CCSER1: variants seen among roughly 807,000 people sequenced by gnomAD.
CCSER1 encodes coiled-coil serine rich protein 1.
CCSER1 carries 41 observed loss-of-function variants against 82.0 expected under a neutral mutation model. That is an observed-to-expected ratio of 0.50 (90% CI 0.39 to 0.65). The LOEUF is 0.65. Among genes scored for constraint, CCSER1 ranks in the 30% least tolerant of loss-of-function variants. The pLI is 0.00. For synonymous variants in CCSER1, 414 were observed against 383.9 expected, an observed-to-expected ratio of 1.08 and a Z score of -0.92; for missense variants, 1,119 against 1,064.2, an observed-to-expected ratio of 1.05 and a Z score of -0.72.
intron 5 of CCSER1, among the ~76,000 whole-genome samples, chr4:90,622,995 T>C (rs1241046490): frequency 6.6e-6 from 1 of 151,188 alleles, no homozygotes; most frequent in Non-Finnish European, 1.5e-5. Flanking sequence ...TGATGTTTTA[T>C]AAGGGAAGAT....
chr4:91,596,095 A>G (rs1357784897), intron 10 of CCSER1, among the ~76,000 whole-genome samples: 2 of 151,990 alleles, frequency 1.3e-5, no homozygotes, highest in East Asian at 3.9e-4. Flanking sequence ...TTGATAGTAG[A>G]TCCACATGTG....
At chr4:90,859,716 AGTTAAG>A (rs762866490) in intron 8 of CCSER1, among the ~76,000 whole-genome samples, 3 of 151,770 alleles carry the variant, frequency 2.0e-5, no homozygotes, top group African/African-American at 4.8e-5. Flanking sequence ...TAATAAATAA[AGTTAAG>A]TGTACCAAAG....
intron 5 of CCSER1, among the ~76,000 whole-genome samples, chr4:90,557,211 T>C (rs1248634071): frequency 6.6e-6 from 1 of 152,018 alleles, no homozygotes. Context: ...CTAAAATTGC[T>C]CAGCGGATAA....
chr4:91,449,457 G>T (rs553151443), intron 10 of CCSER1, among the ~76,000 whole-genome samples: 54 of 151,422 alleles, frequency 3.6e-4, no homozygotes, highest in African/African-American at 1.3e-3. Flanking sequence ...CATTTTTTTT[G>T]GTGCTCAGTA....
chr4:90,221,717 G>C (rs921290715), intron 1 of CCSER1, among the ~76,000 whole-genome samples: 3 of 152,080 alleles, frequency 2.0e-5, no homozygotes, highest in Admixed American at 2.0e-4. Flanking sequence ...AATGATTACT[G>C]TATAATGTCT....
chr4:91,178,834 C>T (rs1733690510), intron 10 of CCSER1, among the ~76,000 whole-genome samples: 1 of 152,034 alleles, frequency 6.6e-6, no homozygotes, highest in Non-Finnish European at 1.5e-5. Flanking sequence ...TGAATTTGAT[C>T]CTGTCATTAT....
chr4:90,599,585 A>C (rs779483811), intron 5 of CCSER1, among the ~76,000 whole-genome samples: 21 of 152,118 alleles, frequency 1.4e-4, no homozygotes, highest in Middle Eastern at 3.2e-3. Flanking sequence ...GCCTTTCTCT[A>C]TCTGGAGAAG....
At chr4:91,348,049 T>C (rs1036217464) in intron 10 of CCSER1, among the ~76,000 whole-genome samples, 7 of 152,150 alleles carry the variant, frequency 4.6e-5, no homozygotes, top group Admixed American at 4.6e-4. Context: ...CCTTGCCTTG[T>C]TCCTGATATT....
At chr4:91,422,354 A>G (rs1753726453) in intron 10 of CCSER1, among the ~76,000 whole-genome samples, 1 of 152,102 alleles carries the variant, frequency 6.6e-6, no homozygotes, top group Non-Finnish European at 1.5e-5. Flanking sequence ...ACCACAGCAC[A>G]GGGATCTTCT....
intron 4 of CCSER1, among the ~76,000 whole-genome samples, chr4:90,467,543 C>T (rs1222867464): frequency 6.6e-6 from 1 of 150,540 alleles, no homozygotes; most frequent in African/African-American, 2.4e-5. Context: ...AATTAGCTGA[C>T]ACGGTGGCGG....
chr4:91,193,452 C>A (rs777141991), intron 10 of CCSER1, among the ~76,000 whole-genome samples: 21 of 152,114 alleles, frequency 1.4e-4, no homozygotes, highest in Non-Finnish European at 2.9e-4. Flanking sequence ...ATTGAAAGAA[C>A]CCTGGATTAG....
At chr4:90,742,176 A>C (rs1217524676) in intron 7 of CCSER1, among the ~76,000 whole-genome samples, 1 of 152,170 alleles carries the variant, frequency 6.6e-6, no homozygotes, top group Non-Finnish European at 1.5e-5. Context: ...CGAGAACAGC[A>C]GATGGAAGTC....
intron 1 of CCSER1, among the ~76,000 whole-genome samples, chr4:90,128,555 T>G (rs766893099): frequency 2.6e-5 from 4 of 151,884 alleles, no homozygotes; most frequent in Non-Finnish European, 5.9e-5. Flanking sequence ...AGTGGGTTGG[T>G]TCACCTGAGC....
intron 3 of CCSER1, among the ~76,000 whole-genome samples, chr4:90,335,510 G>T (rs1227952184): frequency 6.6e-6 from 1 of 152,086 alleles, no homozygotes; most frequent in Non-Finnish European, 1.5e-5. Flanking sequence ...CTAAGAATAT[G>T]AGCTTTCTAT....
chr4:90,637,317 T>G (rs1394340544), intron 6 of CCSER1, among the ~76,000 whole-genome samples: 1 of 151,766 alleles, frequency 6.6e-6, no homozygotes, highest in Non-Finnish European at 1.5e-5. Flanking sequence ...GCAGTTGGCT[T>G]CCCCCTGACT....
At chr4:91,071,433 T>C (rs1232544277) in intron 9 of CCSER1, among the ~76,000 whole-genome samples, 3 of 152,082 alleles carry the variant, frequency 2.0e-5, no homozygotes, top group Non-Finnish European at 4.4e-5. Flanking sequence ...TATGCAGATA[T>C]CTAGGTGAAG....
At chr4:91,410,354 A>G (rs910898643) in intron 10 of CCSER1, among the ~76,000 whole-genome samples, 5 of 152,098 alleles carry the variant, frequency 3.3e-5, no homozygotes, top group African/African-American at 1.2e-4. Context: ...AAAGGGTAGT[A>G]TGAGCTGAGA....
At chr4:91,198,495 T>C (rs995313609) in intron 10 of CCSER1, among the ~76,000 whole-genome samples, 7 of 152,152 alleles carry the variant, frequency 4.6e-5, no homozygotes, top group South Asian at 2.1e-4. Context: ...CTGTAGAATA[T>C]AGTATTTCAG....
At chr4:90,500,322 T>C (rs1026363056) in intron 5 of CCSER1, among the ~76,000 whole-genome samples, 18 of 151,952 alleles carry the variant, frequency 1.2e-4, no homozygotes, top group Non-Finnish European at 1.6e-4. Flanking sequence ...TGAGAAAAGG[T>C]CATCATACTT....
Sources: gnomAD v4.1 joint callset for allele counts (sites outside exome capture counted in the v4.1 genomes callset) on GRCh38, gnomAD v4.1.1 for gene constraint, MANE v1.5 for transcripts, NCBI Gene and HGNC (gene_info 2026-07-23, HGNC 2026-07-21) for gene names.